MYH15: variants seen among roughly 807,000 people sequenced by gnomAD.
The protein encoded by MYH15 is myosin-15.
MYH15 carries 227 observed loss-of-function variants against 240.5 expected under a neutral mutation model. The ratio of observed to expected loss-of-function variants is 0.94; its 90% CI spans 0.85 to 1.05. The LOEUF (loss-of-function observed/expected upper bound fraction) is 1.05, where lower values mean the gene tolerates loss of function less well. Among genes scored for constraint, MYH15 ranks in the 50% least tolerant of loss-of-function variants. The pLI is 0.00. For synonymous variants in MYH15, 785 were observed against 796.7 expected (o/e 0.99, Z 0.25); for missense variants, 2,217 against 2,247.5 (o/e 0.99, Z 0.27).
chr3:108,420,938 T>C, intron 28 of MYH15, 150 bp downstream of exon 28: 1 of 1,076,076 alleles, frequency 9.3e-7, no homozygotes, highest in South Asian at 1.5e-5. Context: ...GAGGCATGTG[T>C]GTGGCAAAGC....
intron 25 of MYH15, among the ~76,000 whole-genome samples, chr3:108,434,106 ATGTATTTAATATTAAATATTGT>A (rs6148008): frequency 0.69 from 98,165 of 142,506 alleles, 34,935 homozygotes; most frequent in African/African-American, 0.74. Flanking sequence ...TATATTAAAT[ATGTATTTAATATTAAATATTGT>A]TGTATTTAAT....
chr3:108,382,841 T>G (rs1051773641), intron 40 of MYH15, among the ~76,000 whole-genome samples: 1 of 152,326 alleles, frequency 6.6e-6, no homozygotes, highest in South Asian at 2.1e-4. Flanking sequence ...AGGCAATCTA[T>G]TAGCTAATAC....
chr3:108,507,781 A>T (rs1236191546), intron 1 of MYH15, among the ~76,000 whole-genome samples: 2 of 152,176 alleles, frequency 1.3e-5, no homozygotes, highest in East Asian at 3.9e-4. Flanking sequence ...TGTTTTAAAT[A>T]CTGGCTTTGC....
intron 15 of MYH15, 88 bp downstream of exon 15, chr3:108,464,550 T>G: frequency 7.9e-7 from 1 of 1,266,212 alleles, no homozygotes; most frequent in Non-Finnish European, 1.1e-6. Context: ...AATCTAAACA[T>G]TACTTAAATA....
intron 25 of MYH15, among the ~76,000 whole-genome samples, chr3:108,434,660 A>G (rs987086595): frequency 2.6e-5 from 4 of 152,164 alleles, no homozygotes; most frequent in African/African-American, 9.7e-5. Flanking sequence ...CCTTAGTTTG[A>G]ATTTCACAAT....
chr3:108,540,824 A>AT, the MYH15 span, among the ~76,000 whole-genome samples: 5 of 152,012 alleles, frequency 3.3e-5, no homozygotes, highest in African/African-American at 9.7e-5. Flanking sequence ...GAAAATGTAA[A>AT]TTTTTTTACA....
intron 1 of MYH15, chr3:108,529,167 G>T: frequency 3.4e-6 from 4 of 1,189,446 alleles, no homozygotes; most frequent in South Asian, 1.4e-5. Context: ...GTGTGCTGCT[G>T]ATTAAGACCA....
At chr3:108,461,491 A>G (rs1177213145) in intron 16 of MYH15, among the ~76,000 whole-genome samples, 1 of 152,212 alleles carries the variant, frequency 6.6e-6, no homozygotes, top group East Asian at 1.9e-4. Context: ...ATTTAAAAAA[A>G]AGGCCATTCT....
At position 108,509,120 on chromosome 3, in the gene MYH15, G is replaced by A. The variant is rs116391235; in HGVS notation, c.88+1323C>T. 2.0e-3 allele frequency among the ~76,000 whole-genome samples: 311 copies of A among 152,146 alleles called. 1 individual carries two copies. Among genetic ancestry groups the A allele is most frequent in the African/African-American group, 7.2e-3 (298 of 41,510 alleles). On this transcript the variant is annotated intron_variant, in intron 1 of 40. Coordinates refer to ENST00000693548, the MANE Select transcript of MYH15 (RefSeq NM_014981.3). ...TCATCACACTACTTCCATTTGACCC[G>A]AGTTCAAAAAAGCAAACTCCATTGT...
At chr3:108,533,333 C>T (rs528083410), upstream of MYH15, among the ~76,000 whole-genome samples, 16 of 152,014 alleles carry the variant, frequency 1.1e-4, 1 homozygote, top group Admixed American at 6.6e-4. Flanking sequence ...GACCTGATCT[C>T]CCCTAATTAT....
chr3:108,464,683 C>T lies in MYH15; in HGVS notation c.1686G>A (p.Lys562=), dbSNP rs1560395179. 1 of 1,613,652 alleles carries T rather than the reference C, an allele frequency of 6.2e-7. No homozygotes were observed. The highest frequency in any genetic ancestry group is 1.7e-5 in the Admixed American group (1 of 59,918). The change falls in exon 15 of 41, where the codon AAG becomes AAA. Residue 562 remains lysine, a synonymous_variant. Coordinates refer to ENST00000693548, the MANE Select transcript of MYH15 (RefSeq NM_014981.3). ...SVHLQKPKPD[K]KKFEAHFELV... is the part of the protein sequence containing the mutation. ...GTTCAAAATGAGCTTCAAATTTCTT[C>T]TTATCAGGCTTGGGCTTCTGGAGAT...
At chr3:108,473,970 T>C (rs566768661) in intron 12 of MYH15, among the ~76,000 whole-genome samples, 1 of 152,366 alleles carries the variant, frequency 6.6e-6, no homozygotes, top group South Asian at 2.1e-4. Flanking sequence ...CATAAAGAAC[T>C]GTCCCATCTT....
chr3:108,469,368 T>C (rs2083150937), intron 14 of MYH15, among the ~76,000 whole-genome samples: 1 of 152,218 alleles, frequency 6.6e-6, no homozygotes. Flanking sequence ...CATGCCGCCA[T>C]GCTTGCTCCC....
intron 24 of MYH15, among the ~76,000 whole-genome samples, chr3:108,438,660 T>C (rs1303831478): frequency 6.6e-6 from 1 of 152,132 alleles, no homozygotes. Flanking sequence ...GTTCCTTGTG[T>C]GATGTGAGGA....
intron 40 of MYH15, among the ~76,000 whole-genome samples, chr3:108,382,146 C>T (rs2082348607): frequency 6.6e-6 from 1 of 152,200 alleles, no homozygotes; most frequent in Non-Finnish European, 1.5e-5. Context: ...GGAAGCACCT[C>T]CCTAAACAAG....
At chr3:108,476,894 G>A (rs2083226279) in intron 11 of MYH15, among the ~76,000 whole-genome samples, 1 of 152,100 alleles carries the variant, frequency 6.6e-6, no homozygotes, top group African/African-American at 2.4e-5. Context: ...GTGTGTATTT[G>A]CCGTGAGAAA....
chr3:108,456,597 G>A (rs1357932322), intron 19 of MYH15, among the ~76,000 whole-genome samples, 169 bp downstream of exon 19: 1 of 152,048 alleles, frequency 6.6e-6, no homozygotes, highest in Non-Finnish European at 1.5e-5. Context: ...GGATTTAAGG[G>A]GAAATAATAA....
At chr3:108,451,297 T>G (rs1348635846) in intron 21 of MYH15, among the ~76,000 whole-genome samples, 1 of 152,006 alleles carries the variant, frequency 6.6e-6, no homozygotes, top group African/African-American at 2.4e-5. Context: ...CAATAATCAC[T>G]TGAACCAGGG....
Position 108,381,409 on chromosome 3 carries a change from A to G in MYH15, c.*136T>C, listed in dbSNP as rs1576197486. 1.0e-6 allele frequency: 1 copy of G among 993,256 alleles called. No individual in the cohort carries two copies. The highest frequency in any genetic ancestry group is 1.6e-6 in the Non-Finnish European group (1 of 634,470). The allele number at this position is 993,256 out of a possible 1,614,324, so 61.5% of individuals were successfully genotyped here. A position where few individuals can be genotyped will look rare whatever the true frequency, so the allele number is the denominator to read the frequency against. ...TGATATTCCCTTTAATTATTTTTCTAATTGCCTTGTTTATATGGTGTGAAA... is the reference window on the plus strand; with the variant it reads ...TGATATTCCCTTTAATTATTTTTCTGATTGCCTTGTTTATATGGTGTGAAA... On this transcript the variant is annotated 3_prime_UTR_variant, in exon 41 of 41. Transcript: ENST00000693548.
Sources: allele counts gnomAD v4.1 joint callset (sites outside exome capture counted in the v4.1 genomes callset), GRCh38; gene constraint gnomAD v4.1.1; transcripts MANE v1.5; gene names NCBI Gene and HGNC (gene_info 2026-07-23, HGNC 2026-07-21).